SPARCL1: variants seen among roughly 807,000 people sequenced by gnomAD.
SPARCL1 encodes SPARC-like protein 1.
In SPARCL1, 52 loss-of-function variants were observed where a neutral mutation model predicts 67.1. The ratio of observed to expected loss-of-function variants is 0.78; its 90% confidence interval spans 0.62 to 0.98. The LOEUF (loss-of-function observed/expected upper bound fraction) is 0.98. SPARCL1 is among the 50% of genes least tolerant of loss of function. The pLI, the probability that SPARCL1 is intolerant of heterozygous loss-of-function variation, is 0.00. For missense variants in SPARCL1, 717 were observed against 782.4 expected, an observed-to-expected ratio of 0.92 and a Z score of 1.00; for synonymous variants, 226 against 267.8, an observed-to-expected ratio of 0.84 and a Z score of 1.52.
intron 1 of SPARCL1, among the ~76,000 whole-genome samples, chr4:87,512,075 G>A (rs137972873): frequency 0.056 from 8,273 of 146,790 alleles, 732 homozygotes; most frequent in African/African-American, 0.2. Flanking sequence ...AGCAATTCTC[G>A]TGCCTCAGCC....
intron 7 of SPARCL1, among the ~76,000 whole-genome samples, chr4:87,484,967 T>G (rs1356573979): frequency 6.6e-6 from 1 of 152,066 alleles, no homozygotes; most frequent in Non-Finnish European, 1.5e-5. Flanking sequence ...GATTTTGGAC[T>G]GAGATGATGG....
rs746246120 is a variant in SPARCL1, at chr4:87,493,954, C to G, written c.846G>C (p.Ser282=). ...TTTCTTGAATGTGCTTATTGACGTT[C>G]GATGCATTTTCCTCTTCCATTTCTG... The part of the protein sequence containing the change: ...SNAEMEEENA[S]NVNKHIQETE... The change falls in exon 4 of 11, where the codon TCG becomes TCC. Residue 282 remains serine (S), a synonymous_variant. Transcript: ENST00000282470. The G allele has an allele frequency of 8.7e-6, 14 of 1,614,076 alleles. No individual in the cohort carries two copies. The South Asian group carries it at 1.5e-4, about 18-fold the overall frequency.
chr4:87,497,960 T>C (rs925769910), intron 2 of SPARCL1, among the ~76,000 whole-genome samples: 5 of 152,162 alleles, frequency 3.3e-5, no homozygotes, highest in African/African-American at 1.2e-4. Flanking sequence ...GGCCTCACTA[T>C]GTTACCCAGG....
intron 1 of SPARCL1, among the ~76,000 whole-genome samples, chr4:87,507,250 G>C (rs542878115): frequency 6.6e-6 from 1 of 152,198 alleles, no homozygotes; most frequent in Non-Finnish European, 1.5e-5. Context: ...ATTATCAAAC[G>C]TGTTTTGCAT....
In SPARCL1 at chr4:87,504,760, CTTTGAG is replaced by C. The variant is rs1020049537; in HGVS notation, c.-11-5181_-11-5176del. On this transcript the variant is annotated intron_variant, in intron 1 of 10. Transcript: ENST00000282470. ...ACCATTGTGACAAATTGAGATTTCA[CTTTGAG>C]TTTGAGTTTTTAAACAAAAAGTTCC... is the stretch of plus-strand genomic sequence containing the variant. 69 of 152,274 alleles carry C rather than the reference CTTTGAG, an allele frequency of 4.5e-4. 2 individuals are homozygous for C. The highest frequency in any genetic ancestry group is 2.1e-4 in the South Asian group (1 of 4,828). The allele number at this position is 152,274 out of a possible 1,614,324, so 9.4% of individuals were successfully genotyped here. A position where few individuals can be genotyped will look rare whatever the true frequency, so the allele number is the denominator to read the frequency against.
At chr4:87,503,146 A>G (rs951850743) in intron 1 of SPARCL1, among the ~76,000 whole-genome samples, 11 of 152,208 alleles carry the variant, frequency 7.2e-5, no homozygotes, top group Non-Finnish European at 1.0e-4. Context: ...GTGTTGAAAC[A>G]TGGAAGTCCC....
intron 9 of SPARCL1, 46 bp from the exon 10 acceptor site, chr4:87,479,624 T>A: frequency 1.3e-6 from 2 of 1,596,188 alleles, no homozygotes; most frequent in Non-Finnish European, 1.7e-6. Flanking sequence ...AGCTTGTGCA[T>A]GAAGATTTAA....
In SPARCL1 at chr4:87,494,377, C is replaced by CA. The variant is rs1436970624; in HGVS notation, c.422dup (p.Leu141PhefsTer6). 6.2e-7 allele frequency: 1 copy of CA among 1,614,032 alleles called. No individual in the cohort carries two copies. The highest frequency in any genetic ancestry group is 2.2e-5 in the East Asian group (1 of 44,872). ...CTGTGAAGGAACTAACACCAGGAGC[C>CA]AAAAAATCAGTGTTCTCTGAGAGTT... On this transcript the variant is annotated frameshift_variant, in exon 4 of 11. Coordinates refer to ENST00000282470, the MANE Select transcript of SPARCL1 (RefSeq NM_004684.6). LOFTEE classifies it high-confidence loss of function.
chr4:87,503,569 T>G (rs1332669702), intron 1 of SPARCL1, among the ~76,000 whole-genome samples: 1 of 152,218 alleles, frequency 6.6e-6, no homozygotes, highest in East Asian at 1.9e-4. Context: ...TTTCATATTT[T>G]CTTCATATTT....
intron 1 of SPARCL1, among the ~76,000 whole-genome samples, chr4:87,511,560 G>A (rs561039080): frequency 6.6e-6 from 1 of 152,140 alleles, no homozygotes; most frequent in Non-Finnish European, 1.5e-5. Context: ...AGAACCCTGG[G>A]GAGTGAAGAT....
chr4:87,513,195 T>C (rs1277518094), intron 1 of SPARCL1, among the ~76,000 whole-genome samples: 1 of 152,268 alleles, frequency 6.6e-6, no homozygotes, highest in Non-Finnish European at 1.5e-5. Flanking sequence ...TTTCACAGTT[T>C]ATAAAGTGTT....
intron 1 of SPARCL1, among the ~76,000 whole-genome samples, chr4:87,501,859 G>A (rs1264743282): frequency 6.6e-6 from 1 of 151,858 alleles, no homozygotes; most frequent in Admixed American, 6.6e-5. Flanking sequence ...TTAAATATCA[G>A]AATTCTGGGG....
chr4:87,503,588 C>T (rs1364773184), intron 1 of SPARCL1, among the ~76,000 whole-genome samples: 1 of 151,852 alleles, frequency 6.6e-6, no homozygotes, highest in African/African-American at 2.4e-5. Flanking sequence ...TTTCCTCTGT[C>T]ATTATCATCA....
chr4:87,506,768 CTCTATCTATCTATCATCTATCTA>C (rs1296362872), intron 1 of SPARCL1, among the ~76,000 whole-genome samples: 7,081 of 124,200 alleles, frequency 0.057, 206 homozygotes, highest in South Asian at 0.13. Context: ...TTATCTATAT[CTCTATCTATCTATCATCTATCTA>C]TCTATCTATC....
chr4:87,526,960 T>C (rs530676236), intron 1 of SPARCL1, among the ~76,000 whole-genome samples: 76 of 152,362 alleles, frequency 5.0e-4, no homozygotes, highest in African/African-American at 1.8e-3. Flanking sequence ...GAGATGAAGT[T>C]GTTTGCCCAA....
At chr4:87,482,360 C>T in intron 8 of SPARCL1, 64 bp downstream of exon 8, 1 of 1,570,872 alleles carries the variant, frequency 6.4e-7, no homozygotes. Flanking sequence ...AGCCCCCCCA[C>T]CACGTCTTTC....
intron 4 of SPARCL1, among the ~76,000 whole-genome samples, chr4:87,492,818 A>C (rs1724409163): frequency 6.6e-6 from 1 of 152,184 alleles, no homozygotes; most frequent in African/African-American, 2.4e-5. Flanking sequence ...ATTTTGAATG[A>C]AAGCTCCAAA....
At chr4:87,505,698 G>C (rs538619708) in intron 1 of SPARCL1, among the ~76,000 whole-genome samples, 3 of 151,194 alleles carry the variant, frequency 2.0e-5, no homozygotes, top group East Asian at 2.0e-4. Flanking sequence ...GGGGATATAG[G>C]TGCAAACTAT....
At chr4:87,504,135 T>TTTGTGTGTG (rs752135318) in intron 1 of SPARCL1, among the ~76,000 whole-genome samples, 1 of 30,922 alleles carries the variant, frequency 3.2e-5, no homozygotes, top group Non-Finnish European at 7.1e-5. Context: ...TGATTTGGTA[T>TTTGTGTGTG]TGTGTGTGTG....
Sources: gnomAD v4.1 joint callset for allele counts (sites outside exome capture counted in the v4.1 genomes callset) on GRCh38, gnomAD v4.1.1 for gene constraint, MANE v1.5 for transcripts, NCBI Gene and HGNC (gene_info 2026-07-23, HGNC 2026-07-21) for gene names.